Variants in DDHD1 observed in about 807,000 individuals in gnomAD.
DDHD1 encodes phospholipase DDHD1.
Under a neutral mutation model 96.4 loss-of-function variants are expected in DDHD1, and 49 were observed. The ratio of observed to expected loss-of-function variants is 0.51; its 90% CI spans 0.40 to 0.64. The LOEUF is 0.64. Among genes scored for constraint, DDHD1 ranks in the 30% least tolerant of loss-of-function variants. The pLI is 0.00. For missense variants in DDHD1, 1,106 were observed against 1,161.2 expected, an observed-to-expected ratio of 0.95 and a Z score of 0.69; for synonymous variants, 442 against 446.5, an observed-to-expected ratio of 0.99 and a Z score of 0.13.
At chr14:53,151,929 G>A (rs890612031) in intron 1 of DDHD1, among the ~76,000 whole-genome samples, 1 of 152,188 alleles carries the variant, frequency 6.6e-6, no homozygotes, top group Non-Finnish European at 1.5e-5. Context: ...AGATCCCCAG[G>A]TGGACAAAGC....
chr14:53,093,607 G>A, intron 2 of DDHD1, 163 bp from the exon 3 acceptor site: 1 of 812,120 alleles, frequency 1.2e-6, no homozygotes. Flanking sequence ...GTTATGTGAA[G>A]CAAGTAATGG....
intron 3 of DDHD1, 24 bp downstream of exon 3, chr14:53,093,292 G>A: frequency 1.3e-6 from 2 of 1,594,130 alleles, no homozygotes; most frequent in Non-Finnish European, 1.7e-6. Context: ...ATTTTGATAA[G>A]CTCTAGTAAT....
chr14:53,140,466 G>C (rs1360738344), intron 1 of DDHD1, among the ~76,000 whole-genome samples: 1 of 152,132 alleles, frequency 6.6e-6, no homozygotes, highest in Non-Finnish European at 1.5e-5. Flanking sequence ...GGGAGGTGGA[G>C]GTTGCAGTGA....
At chr14:53,115,079 A>G (rs1411919984) in intron 1 of DDHD1, among the ~76,000 whole-genome samples, 1 of 152,180 alleles carries the variant, frequency 6.6e-6, no homozygotes, top group African/African-American at 2.4e-5. Flanking sequence ...CATGAAGCAT[A>G]CACAAGAATC....
At position 53,038,802 on chromosome 14, in the gene DDHD1, G is replaced by A. The variant is rs1372394917; in HGVS notation, c.*7966C>T. The A allele has an allele frequency of 6.6e-6, 1 of 152,198 alleles. No individual in the cohort carries two copies. Among genetic ancestry groups the A allele is most frequent in the East Asian group, 1.9e-4 (1 of 5,204 alleles). The allele number at this position is 152,198 out of a possible 1,614,324, so 9.4% of individuals were successfully genotyped here. Reference sequence around the variant, plus strand: ...TGTGGCTTCAAACTATAAGACCACAGTAACCAAAACAGCACGGCACTGGTA... The same window carrying A: ...TGTGGCTTCAAACTATAAGACCACAATAACCAAAACAGCACGGCACTGGTA... On this transcript the variant is annotated 3_prime_UTR_variant, in exon 13 of 13. Coordinates refer to ENST00000673822, the MANE Select transcript of DDHD1 (RefSeq NM_001160148.2).
At chr14:53,082,891 TAAAC>T (rs139379575) in intron 4 of DDHD1, among the ~76,000 whole-genome samples, 11,615 of 151,900 alleles carry the variant, frequency 0.076, 1,148 homozygotes, top group African/African-American at 0.23. Context: ...ATACATTTTT[TAAAC>T]AAACAAACAA....
chr14:53,137,110 T>C (rs1388012201), intron 1 of DDHD1, among the ~76,000 whole-genome samples: 1 of 152,048 alleles, frequency 6.6e-6, no homozygotes, highest in Non-Finnish European at 1.5e-5. Flanking sequence ...AATGAACTTC[T>C]AGAGATGAAA....
At position 53,055,834 on chromosome 14, in the gene DDHD1, T is replaced by C; in HGVS notation, c.2071A>G (p.Asn691Asp). Reference protein sequence around the residue: ...PVQIHWYNTSNPLPYEHMKPS... With the variant: ...PVQIHWYNTSDPLPYEHMKPS... ...TTCATATGTTCATAAGGTAAAGGAT[T>C]TGAAGTATTGTACCAGTGGATCTGG... is the stretch of plus-strand genomic sequence containing the variant. Residue 691 changes from asparagine (N) to aspartate (D), a missense_variant, in exon 10 of 13, where the codon AAT becomes GAT. Asn to Asp is a conservative substitution (Grantham distance 23, BLOSUM62 1). Transcript: ENST00000673822. 1 of 1,613,888 alleles carries C rather than the reference T, an allele frequency of 6.2e-7. No homozygotes were observed. The highest frequency in any genetic ancestry group is 8.5e-7 in the Non-Finnish European group (1 of 1,179,870).
At chr14:53,075,167 C>A (rs1595127347) in intron 4 of DDHD1, among the ~76,000 whole-genome samples, 2 of 149,088 alleles carry the variant, frequency 1.3e-5, no homozygotes, top group African/African-American at 2.5e-5. Context: ...AAATAAAAAA[C>A]CAGAAATGAT....
chr14:53,137,621 AT>A (rs1890331512), intron 1 of DDHD1, among the ~76,000 whole-genome samples: 1 of 151,628 alleles, frequency 6.6e-6, no homozygotes, highest in African/African-American at 2.4e-5. Flanking sequence ...AAAAATAAAA[AT>A]AAAAGAAAAT....
chr14:53,123,322 AT>A (rs954728101), intron 1 of DDHD1, among the ~76,000 whole-genome samples: 3 of 151,754 alleles, frequency 2.0e-5, no homozygotes, highest in Admixed American at 6.6e-5. Flanking sequence ...TAAGTTTTGT[AT>A]TTTTAGTAGA....
chr14:53,107,165 T>C (rs1887750513), intron 1 of DDHD1, among the ~76,000 whole-genome samples: 1 of 152,180 alleles, frequency 6.6e-6, no homozygotes, highest in South Asian at 2.1e-4. Flanking sequence ...TTTTGCAATA[T>C]ATACATATTT....
At position 53,063,135 on chromosome 14, in the gene DDHD1, T is replaced by C. The variant is rs1289832419; in HGVS notation, c.1574A>G (p.Glu525Gly). The C allele has an allele frequency of 1.2e-6, 2 of 1,613,930 alleles. No homozygotes were observed. Among genetic ancestry groups the C allele is most frequent in the Non-Finnish European group, 1.7e-6 (2 of 1,179,992 alleles). ...SLFCSRNPDF[E>G]EKGGKVSIVS... ...TATTGAGACTTTACCCCCTTTTTCTTCAAAGTCTGGATTCCGAGAACAGAA... is the reference window on the plus strand; with the variant it reads ...TATTGAGACTTTACCCCCTTTTTCTCCAAAGTCTGGATTCCGAGAACAGAA... The change falls in exon 7 of 13, where the codon GAA (glutamate) becomes GGA (glycine). Residue 525 changes from glutamate to glycine, a missense_variant. By Grantham distance (98) the Glu-to-Gly change is moderately conservative (BLOSUM62 -2). Around this residue, in one of 2 missense-constraint regions of DDHD1, gnomAD observed 650 missense variants for 758.8 expected, o/e 0.86. Coordinates refer to ENST00000673822, the MANE Select transcript of DDHD1 (RefSeq NM_001160148.2).
chr14:53,096,009 C>T (rs553524329), intron 2 of DDHD1: 61 of 423,328 alleles, frequency 1.4e-4, no homozygotes, highest in Middle Eastern at 1.2e-3. Context: ...CAAACTAATA[C>T]AATGGACACA....
intron 1 of DDHD1, among the ~76,000 whole-genome samples, chr14:53,105,959 T>TGTG (rs879434839): frequency 7.3e-5 from 11 of 151,672 alleles, no homozygotes; most frequent in East Asian, 1.9e-4. Flanking sequence ...CTCTCTCTCC[T>TGTG]GTGGTGGTGG....
chr14:53,142,586 A>T (rs1890714791), intron 1 of DDHD1, among the ~76,000 whole-genome samples: 1 of 152,240 alleles, frequency 6.6e-6, no homozygotes, highest in South Asian at 2.1e-4. Flanking sequence ...CGTCTAAATG[A>T]GCTCTGGGGA....
At chr14:53,063,702 A>T (rs981286969) in intron 6 of DDHD1, among the ~76,000 whole-genome samples, 2 of 152,104 alleles carry the variant, frequency 1.3e-5, no homozygotes, top group Non-Finnish European at 2.9e-5. Flanking sequence ...TAATGTAATA[A>T]AAGGCCACTG....
At chr14:53,152,149 G>T in intron 1 of DDHD1, 112 bp downstream of exon 1, 1 of 1,079,748 alleles carries the variant, frequency 9.3e-7, no homozygotes, top group Non-Finnish European at 1.3e-6. Flanking sequence ...CCAGCCAAAC[G>T]CCAGGCCTCA....
At chr14:53,087,238 A>C (rs1477349971) in intron 4 of DDHD1, among the ~76,000 whole-genome samples, 1 of 152,072 alleles carries the variant, frequency 6.6e-6, no homozygotes, top group Non-Finnish European at 1.5e-5. Context: ...CACTGTCAAT[A>C]TTAGACGGAT....
Sources: gnomAD v4.1 joint callset for allele counts (sites outside exome capture counted in the v4.1 genomes callset) on GRCh38, gnomAD v4.1.1 for gene constraint, gnomAD v4.1.1 regional missense constraint, MANE v1.5 for transcripts, NCBI Gene and HGNC (gene_info 2026-07-23, HGNC 2026-07-21) for gene names.